The following TLN2 variants were observed in gnomAD, a reference collection of about 807,000 sequenced individuals.
TLN2 encodes talin 2.
In TLN2, 118 loss-of-function variants were observed where a neutral mutation model predicts 294.7. The ratio of observed to expected loss-of-function variants is 0.40; its 90% CI spans 0.34 to 0.47. The LOEUF (loss-of-function observed/expected upper bound fraction) is 0.47. Ranked by LOEUF, TLN2 falls within the 20% of genes least tolerant of loss-of-function variation. TLN2 has a pLI of 0.84. For missense variants in TLN2, 3,083 were observed against 3,282.2 expected (o/e 0.94, Z 1.48); for synonymous variants, 1,431 against 1,304.5 (o/e 1.10, Z -2.09).
intron 2 of TLN2, among the ~76,000 whole-genome samples, chr15:62,615,792 G>A (rs2048266231): frequency 6.6e-6 from 1 of 152,144 alleles, no homozygotes; most frequent in Admixed American, 6.5e-5. Flanking sequence ...TATGACCCTT[G>A]AATAATATTG....
chr15:62,498,740 T>C (rs2039149350), intron 1 of TLN2, among the ~76,000 whole-genome samples: 1 of 152,152 alleles, frequency 6.6e-6, no homozygotes, highest in South Asian at 2.1e-4. Flanking sequence ...GGAGGGTTTT[T>C]TTTTTCCTTA....
chr15:62,624,122 A>G (rs1275508795), intron 3 of TLN2, among the ~76,000 whole-genome samples: 3 of 152,224 alleles, frequency 2.0e-5, no homozygotes, highest in Non-Finnish European at 4.4e-5. Context: ...TATTCCACTC[A>G]GAAATAATAT....
chr15:62,822,372 T>C (rs2141210254), intron 54 of TLN2, among the ~76,000 whole-genome samples: 1 of 152,242 alleles, frequency 6.6e-6, no homozygotes, highest in Middle Eastern at 3.4e-3. Flanking sequence ...ATGCCTGAAA[T>C]AAAAATTATT....
At chr15:62,523,637 A>G (rs2040580275) in intron 1 of TLN2, among the ~76,000 whole-genome samples, 1 of 152,232 alleles carries the variant, frequency 6.6e-6, no homozygotes, top group East Asian at 1.9e-4. Flanking sequence ...TGATATATCA[A>G]ATGGGCAGAA....
At chr15:62,744,419 T>C (rs1483782631) in intron 32 of TLN2, among the ~76,000 whole-genome samples, 2 of 150,692 alleles carry the variant, frequency 1.3e-5, no homozygotes, top group Admixed American at 1.3e-4. Context: ...TTTTTTTTTT[T>C]TTTTTTTAAA....
At position 62,679,684 on chromosome 15, in the gene TLN2, A is replaced by T. The variant is rs141464810; in HGVS notation, c.957+4363A>T. Among the ~76,000 whole-genome samples the T allele has an allele frequency of 2.3e-3, 346 of 152,294 alleles. 1 individual carries two copies. The highest frequency in any genetic ancestry group is 7.7e-3 in the African/African-American group (320 of 41,562). ...ATGTGTTAAAAATATTCTAGAACTG[A>T]CTGTGGTTTTAAAAATAACAGTAAT... On this transcript the variant is annotated intron_variant, in intron 11 of 58. Transcript: ENST00000636159.
At chr15:62,696,906 C>G (rs2058380973) in intron 14 of TLN2, among the ~76,000 whole-genome samples, 1 of 151,988 alleles carries the variant, frequency 6.6e-6, no homozygotes, top group African/African-American at 2.4e-5. Flanking sequence ...GGAGATTTTC[C>G]CCTAGCTTCA....
At chr15:62,469,082 T>G (rs2037319013) in intron 1 of TLN2, among the ~76,000 whole-genome samples, 1 of 152,244 alleles carries the variant, frequency 6.6e-6, no homozygotes, top group Non-Finnish European at 1.5e-5. Flanking sequence ...GGGTTTTTCT[T>G]TGTCTTTTCT....
At chr15:62,402,961 G>C (rs1039436829) in intron 1 of TLN2, among the ~76,000 whole-genome samples, 54 of 152,110 alleles carry the variant, frequency 3.6e-4, no homozygotes, top group African/African-American at 1.3e-3. Flanking sequence ...AAAACAGCAG[G>C]CTGGGTGTGG....
chr15:62,792,512 C>A, intron 45 of TLN2, 129 bp from the exon 46 acceptor site: 1 of 1,258,894 alleles, frequency 7.9e-7, no homozygotes, highest in Non-Finnish European at 1.1e-6. Flanking sequence ...CAAACACAGA[C>A]TCCTAATAGG....
chr15:62,762,130 C>G (rs2062717423), intron 38 of TLN2, 142 bp from the exon 39 acceptor site: 1 of 1,025,140 alleles, frequency 9.8e-7, no homozygotes, highest in African/African-American at 1.6e-5. Context: ...CCCTGGTAAT[C>G]CAGTCTTCAT....
chr15:62,805,261 G>A (rs2066198178), intron 50 of TLN2, among the ~76,000 whole-genome samples: 1 of 152,120 alleles, frequency 6.6e-6, no homozygotes. Context: ...AGGGATGGGG[G>A]AAGAGAACTA....
At chr15:62,534,117 G>A (rs141935483) in intron 1 of TLN2, among the ~76,000 whole-genome samples, 1 of 147,644 alleles carries the variant, frequency 6.8e-6, no homozygotes, top group African/African-American at 2.7e-5. Flanking sequence ...GGTCTAGTGT[G>A]TAGGGATTTC....
At chr15:62,398,196 A>G (rs761467063) in intron 1 of TLN2, among the ~76,000 whole-genome samples, 2 of 152,114 alleles carry the variant, frequency 1.3e-5, no homozygotes, top group Admixed American at 6.5e-5. Flanking sequence ...CATGATAGTG[A>G]GTGAGATCTC....
At chr15:62,577,219 G>T (rs1055009093) in intron 1 of TLN2, among the ~76,000 whole-genome samples, 1 of 152,148 alleles carries the variant, frequency 6.6e-6, no homozygotes, top group Admixed American at 6.5e-5. Flanking sequence ...TGAGGCGGGC[G>T]GATCACCTGA....
chr15:62,454,895 G>A (rs539706124), intron 1 of TLN2, among the ~76,000 whole-genome samples: 45 of 152,164 alleles, frequency 3.0e-4, no homozygotes, highest in African/African-American at 1.1e-3. Context: ...TGACATCGGG[G>A]CAGGTGGGGA....
chr15:62,486,414 T>A (rs1413315008), intron 1 of TLN2, among the ~76,000 whole-genome samples: 10 of 151,852 alleles, frequency 6.6e-5, no homozygotes. Flanking sequence ...TCAGTTGTCA[T>A]GTCTCTTTAG....
intron 51 of TLN2, among the ~76,000 whole-genome samples, chr15:62,807,573 A>G (rs560624379): frequency 6.6e-6 from 1 of 152,320 alleles, no homozygotes; most frequent in South Asian, 2.1e-4. Flanking sequence ...GAAACTGAAC[A>G]GAAGAGAAAC....
chr15:62,473,616 G>T (rs2037614801), intron 1 of TLN2, among the ~76,000 whole-genome samples: 1 of 152,188 alleles, frequency 6.6e-6, no homozygotes, highest in South Asian at 2.1e-4. Context: ...GTAAGGGAAG[G>T]TTCCTACTGA....
Sources: gnomAD v4.1 joint callset for allele counts (sites outside exome capture counted in the v4.1 genomes callset) on GRCh38, gnomAD v4.1.1 for gene constraint, MANE v1.5 for transcripts, NCBI Gene and HGNC (gene_info 2026-07-23, HGNC 2026-07-21) for gene names.